Variants in CARMIL1 observed in about 807,000 individuals in gnomAD.
CARMIL1 encodes the protein capping protein regulator and myosin 1 linker 1, also known as F-actin-uncapping protein LRRC16A.
In CARMIL1, 90 loss-of-function variants were observed where a neutral mutation model predicts 177.1. The ratio of observed to expected loss-of-function variants is 0.51; its 90% confidence interval spans 0.43 to 0.61. CARMIL1 has a LOEUF of 0.61. Among genes scored for constraint, CARMIL1 ranks in the 20% least tolerant of loss-of-function variants. The probability of loss-of-function intolerance (pLI) is 0.00; values close to 1 mark genes in which losing one functional copy is unlikely to be tolerated. For synonymous variants in CARMIL1, 577 were observed against 606.2 expected (o/e 0.95, Z 0.71); for missense variants, 1,380 against 1,667.0 (o/e 0.83, Z 3.00).
intron 23 of CARMIL1, among the ~76,000 whole-genome samples, chr6:25,521,263 G>C (rs918199159): frequency 6.6e-6 from 1 of 152,160 alleles, no homozygotes; most frequent in African/African-American, 2.4e-5. Context: ...CAGCAGGCTT[G>C]GGGGGAAGCT....
intron 2 of CARMIL1, among the ~76,000 whole-genome samples, chr6:25,398,974 A>G (rs1482171280): frequency 6.6e-6 from 1 of 152,158 alleles, no homozygotes; most frequent in Non-Finnish European, 1.5e-5. Flanking sequence ...GAATCATGGT[A>G]CCTTCCTCAT....
intron 2 of CARMIL1, among the ~76,000 whole-genome samples, chr6:25,318,927 C>G (rs559193032): frequency 3.9e-5 from 6 of 152,256 alleles, no homozygotes; most frequent in African/African-American, 1.4e-4. Flanking sequence ...AAATGGGACC[C>G]TATACTTAGT....
chr6:25,567,354 C>A (rs191899109), intron 29 of CARMIL1, among the ~76,000 whole-genome samples: 2 of 152,200 alleles, frequency 1.3e-5, no homozygotes, highest in African/African-American at 2.4e-5. Flanking sequence ...GGGGGAGATA[C>A]TAACCTATGG....
chr6:25,446,798 C>G (rs766030852), intron 5 of CARMIL1, among the ~76,000 whole-genome samples: 7 of 152,140 alleles, frequency 4.6e-5, no homozygotes, highest in Non-Finnish European at 7.3e-5. Context: ...TGCGACTATT[C>G]CTTTTACTTG....
chr6:25,290,814 C>G (rs375969208), intron 2 of CARMIL1, among the ~76,000 whole-genome samples: 1 of 152,156 alleles, frequency 6.6e-6, no homozygotes, highest in East Asian at 1.9e-4. Flanking sequence ...ACGACAGGGT[C>G]TCACTGTGTT....
intron 32 of CARMIL1, among the ~76,000 whole-genome samples, chr6:25,596,964 G>A (rs1582478079): frequency 1.4e-5 from 2 of 147,404 alleles, no homozygotes; most frequent in African/African-American, 2.5e-5. Context: ...TCTGTTTTCT[G>A]TTGTTATAAC....
Position 25,515,406 on chromosome 6 carries a change from G to C in CARMIL1, c.1633-269G>C, listed in dbSNP as rs301380. On this transcript the variant is annotated intron_variant, in intron 20 of 36. Transcript: ENST00000329474. The surrounding 1 kb of genome is among the most constrained non-coding windows in gnomAD (Gnocchi z 5.0). ...TCCTATCCTCTGCTTCACGCTGGCA[G>C]TTGTCAGCCTGCATGTCTTTCCCTG... is the stretch of plus-strand genomic sequence containing the variant. Among the ~76,000 whole-genome samples, 1 of 151,864 alleles carries C rather than the reference G, an allele frequency of 6.6e-6. No individual in the cohort carries two copies.
chr6:25,402,186 A>G (rs1433702251), intron 2 of CARMIL1, among the ~76,000 whole-genome samples: 2 of 152,212 alleles, frequency 1.3e-5, no homozygotes, highest in East Asian at 3.9e-4. Flanking sequence ...GAAAAAAAAA[A>G]GAGATAACTG....
At chr6:25,602,922 C>T (rs1274681942) in intron 33 of CARMIL1, among the ~76,000 whole-genome samples, 1 of 152,144 alleles carries the variant, frequency 6.6e-6, no homozygotes, top group Non-Finnish European at 1.5e-5. Flanking sequence ...GAGAAATAAG[C>T]AGTGAATACT....
intron 17 of CARMIL1, 92 bp downstream of exon 17, chr6:25,500,327 A>C (rs1253538138): frequency 1.9e-6 from 2 of 1,067,590 alleles, no homozygotes; most frequent in African/African-American, 1.6e-5. Context: ...GTGATTCCAC[A>C]GGGTGTAAAT....
chr6:25,404,293 G>A (rs927120079), intron 2 of CARMIL1, among the ~76,000 whole-genome samples: 5 of 152,210 alleles, frequency 3.3e-5, no homozygotes, highest in Non-Finnish European at 7.3e-5. Context: ...CCCTTTGCTG[G>A]CTGGCCAGTC....
rs544146774 is a variant in CARMIL1 at position 25,504,445 on chromosome 6, A to T, written c.1395+4210A>T. Among the ~76,000 whole-genome samples the T allele has an allele frequency of 7.2e-5, 11 of 152,230 alleles. 1 individual carries two copies. The highest frequency in any genetic ancestry group is 5.9e-4 in the Admixed American group (9 of 15,292). ...TGTCACACTCATTAATTTGAATGAG[A>T]GAGGAGACTTACACTTCATGCTATT... On this transcript the variant is annotated intron_variant, in intron 17 of 36. Transcript: ENST00000329474.
chr6:25,459,783 A>G (rs1799976885), intron 8 of CARMIL1, among the ~76,000 whole-genome samples: 1 of 152,178 alleles, frequency 6.6e-6, no homozygotes, highest in Non-Finnish European at 1.5e-5. Flanking sequence ...TACCATTTTA[A>G]GGAAATGGTA....
chr6:25,289,437 C>G (rs1781765818), intron 2 of CARMIL1, among the ~76,000 whole-genome samples: 1 of 152,120 alleles, frequency 6.6e-6, no homozygotes, highest in Non-Finnish European at 1.5e-5. Context: ...GCAGTTATAT[C>G]AGATAATTCA....
intron 8 of CARMIL1, among the ~76,000 whole-genome samples, chr6:25,453,647 C>T (rs751926435): frequency 3.9e-5 from 6 of 152,202 alleles, no homozygotes; most frequent in African/African-American, 7.2e-5. Context: ...TGAAGACTCC[C>T]GCCTTGGCTT....
At chr6:25,291,140 C>T (rs181878402) in intron 2 of CARMIL1, among the ~76,000 whole-genome samples, 385 of 152,184 alleles carry the variant, frequency 2.5e-3, no homozygotes, top group Admixed American at 4.1e-3. Context: ...TTTTTTTCCC[C>T]TTGGCTATTT....
At chr6:25,522,919 C>G (rs959408479) in intron 23 of CARMIL1, among the ~76,000 whole-genome samples, 1 of 152,118 alleles carries the variant, frequency 6.6e-6, no homozygotes, top group African/African-American at 2.4e-5. Flanking sequence ...AAGTGATCCT[C>G]CCATCTCAAC....
Position 25,509,828 on chromosome 6 carries a change from T to G in CARMIL1, c.1477+91T>G. ...TAATCTTCTACCCAAATCCAAACAATAGCTTAATAAAAAAATTGTTTTTTA... is the reference window on the plus strand; with the variant it reads ...TAATCTTCTACCCAAATCCAAACAAGAGCTTAATAAAAAAATTGTTTTTTA... On this transcript the variant is annotated intron_variant, in intron 18 of 36. Transcript: ENST00000329474. The surrounding 1 kb of genome is among the most constrained non-coding windows in gnomAD (Gnocchi z 4.1). The G allele has an allele frequency of 1.2e-6, 1 of 854,122 alleles. No homozygotes were observed. Among genetic ancestry groups the G allele is most frequent in the Non-Finnish European group, 1.8e-6 (1 of 545,934 alleles). 52.9% of individuals were successfully genotyped at this position (854,122 alleles called of 1,614,324 possible).
chr6:25,463,021 A>G (rs1800258781), intron 8 of CARMIL1, among the ~76,000 whole-genome samples: 1 of 152,190 alleles, frequency 6.6e-6, no homozygotes, highest in South Asian at 2.1e-4. Flanking sequence ...TGGTAGGCAA[A>G]CCATGCCAAT....
Sources: gnomAD v4.1 joint callset for allele counts (sites outside exome capture counted in the v4.1 genomes callset) on GRCh38, gnomAD v4.1.1 for gene constraint, Gnocchi (gnomAD v3.1) non-coding constraint, MANE v1.5 for transcripts, NCBI Gene and HGNC (gene_info 2026-07-23, HGNC 2026-07-21) for gene names.